Variants in SETD4 observed in about 807,000 individuals in gnomAD.
The protein encoded by SETD4 is SET domain containing 4.
A neutral mutation model predicts 58.3 loss-of-function variants in SETD4; 46 were observed. That is an observed-to-expected ratio of 0.79 (90% CI 0.62 to 1.01). The LOEUF (loss-of-function observed/expected upper bound fraction) is 1.01. Among genes scored for constraint, SETD4 ranks in the 50% least tolerant of loss-of-function variants. The pLI is 0.00. For missense variants in SETD4, 490 were observed against 523.3 expected (o/e 0.94, Z 0.62); for synonymous variants, 190 against 202.6 (o/e 0.94, Z 0.53).
intron 8 of SETD4, among the ~76,000 whole-genome samples, chr21:36,041,213 C>A (rs2064041634): frequency 6.7e-6 from 1 of 148,582 alleles, no homozygotes; most frequent in African/African-American, 2.5e-5. Context: ...GGATGAGGGG[C>A]CGGAGGCAGG....
intron 1 of SETD4, chr21:36,060,110 G>GGGCCTCA: frequency 2.0e-6 from 2 of 985,618 alleles, no homozygotes; most frequent in Non-Finnish European, 2.4e-6. Context: ...ATCGGACCTC[G>GGGCCTCA]GGCCTCAGGC....
At chr21:36,050,046 T>C (rs1325472231) in intron 4 of SETD4, among the ~76,000 whole-genome samples, 1 of 152,198 alleles carries the variant, frequency 6.6e-6, no homozygotes, top group Non-Finnish European at 1.5e-5. Context: ...TATGGATTCG[T>C]GGGCTGCTTC....
At chr21:36,040,843 T>C (rs1001962243) in intron 8 of SETD4, among the ~76,000 whole-genome samples, 188 bp from the exon 9 acceptor site, 2 of 151,922 alleles carry the variant, frequency 1.3e-5, no homozygotes, top group African/African-American at 4.8e-5. Context: ...TAACAGGAAA[T>C]TCTCTCCCCA....
At chr21:36,053,723 G>C in intron 3 of SETD4, 103 bp from the exon 4 acceptor site, 4 of 1,124,816 alleles carry the variant, frequency 3.6e-6, no homozygotes, top group Non-Finnish European at 5.3e-6. Context: ...AATTACACAA[G>C]GCTGAAGCTG....
At position 36,045,999 on chromosome 21, in the gene SETD4, A is replaced by C. The variant is rs1241191700; in HGVS notation, c.309T>G (p.Pro103=). 6.2e-7 allele frequency: 1 copy of C among 1,612,026 alleles called. No homozygotes were observed. The highest frequency in any genetic ancestry group is 1.3e-5 in the African/African-American group (1 of 74,770). Residue 103 remains proline (P), a synonymous_variant, in exon 6 of 12, where the codon CCT becomes CCG. Coordinates refer to ENST00000332131, the MANE Select transcript of SETD4 (RefSeq NM_017438.5). ...TGCACAGCGCCAGCAGAGGAGATGG[A>C]GGAGGCTTCCACCTTTGAAAATTAA... ...LGAYITKWKP[P]PSPLLALCTF...
At chr21:36,045,077 G>C (rs976268120) in intron 6 of SETD4, among the ~76,000 whole-genome samples, 2 of 152,166 alleles carry the variant, frequency 1.3e-5, no homozygotes. Context: ...CACCTACTAT[G>C]TGCCAGGCCC....
chr21:36,036,911 G>A (rs917861031), intron 10 of SETD4, among the ~76,000 whole-genome samples: 6 of 152,146 alleles, frequency 3.9e-5, no homozygotes, highest in Admixed American at 1.3e-4. Flanking sequence ...GCTGTCACAC[G>A]GCAATAAGCC....
At chr21:36,057,370 G>A (rs1379634351) in intron 2 of SETD4, 166 bp from the exon 3 acceptor site, 1 of 729,476 alleles carries the variant, frequency 1.4e-6, no homozygotes, top group South Asian at 1.5e-5. Flanking sequence ...TATTGGCCAG[G>A]CGCAATGACT....
In SETD4 at chr21:36,050,087, C is replaced by T. The variant is rs920924686; in HGVS notation, c.208-1691G>A. The T allele has an allele frequency of 4.2e-5, 26 of 619,520 alleles. No homozygotes were observed. The Admixed American group carries it at 6.9e-4, about 16-fold the overall frequency. The allele number at this position is 619,520 out of a possible 1,614,324, so 38.4% of individuals were successfully genotyped here. On this transcript the variant is annotated intron_variant, in intron 4 of 11. Coordinates refer to ENST00000332131, the MANE Select transcript of SETD4 (RefSeq NM_017438.5). The stretch of plus-strand genomic sequence containing the variant: ...GCTAGGAGGGTGGTGCACTCTAACT[C>T]GGGGACAGAAGCCCCTGTGCTCAGG...
Position 36,045,920 on chromosome 21 carries a change from G to C in SETD4, c.388C>G (p.Leu130Val), listed in dbSNP as rs369833233. The C allele has an allele frequency of 2.4e-5, 39 of 1,614,206 alleles. No individual in the cohort carries two copies. The highest frequency in any genetic ancestry group is 3.2e-5 in the Non-Finnish European group (38 of 1,180,034). Residue 130 changes from leucine to valine, a missense_variant, in exon 6 of 12, where the codon CTG (leucine) becomes GTG (valine). Leu to Val is a conservative substitution (Grantham distance 32, BLOSUM62 1). Transcript: ENST00000332131. ...GTATACGCCTTGGGTAAAATCTCCA[G>C]GTAAGGCTTCCAAAGAGATCGGTGC... ...AGHRSLWKPY[L>V]EILPKAYTCP...
intron 3 of SETD4, 75 bp from the exon 4 acceptor site, chr21:36,053,695 A>T (rs1260849019): frequency 2.6e-5 from 38 of 1,451,306 alleles, no homozygotes; most frequent in Non-Finnish European, 3.4e-5. Flanking sequence ...TTATGGAAAA[A>T]AAAAATGTGA....
At chr21:36,047,071 C>G (rs2064364193) in intron 5 of SETD4, among the ~76,000 whole-genome samples, 1 of 152,164 alleles carries the variant, frequency 6.6e-6, no homozygotes, top group Non-Finnish European at 1.5e-5. Flanking sequence ...GCCTGACCAA[C>G]ATGGAGAAAC....
intron 2 of SETD4, 59 bp from the exon 3 acceptor site, chr21:36,057,263 T>C: frequency 8.0e-7 from 1 of 1,250,406 alleles, no homozygotes. Flanking sequence ...GGATTACCAT[T>C]TTTAAAAGAA....
intron 5 of SETD4, among the ~76,000 whole-genome samples, chr21:36,047,623 T>G (rs957598675): frequency 6.6e-6 from 1 of 152,094 alleles, no homozygotes; most frequent in African/African-American, 2.4e-5. Context: ...TAGTCAGTGA[T>G]GGATCGGGAT....
rs117633085 is a variant in SETD4 at position 36,045,399 on chromosome 21, C to T, written c.726+183G>A. Among the ~76,000 whole-genome samples the T allele has an allele frequency of 3.7e-3, 560 of 152,250 alleles. 7 individuals carry two copies. The highest frequency in any genetic ancestry group is 0.029 in the East Asian group (149 of 5,178). On this transcript the variant is annotated intron_variant, in intron 6 of 11. Coordinates refer to ENST00000332131, the MANE Select transcript of SETD4 (RefSeq NM_017438.5). The stretch of plus-strand genomic sequence containing the variant: ...AGAAAAGGGGCCAAGGCAAGCACTG[C>T]GGGAGGGATAGTGGGGTCTAGAAGA...
At chr21:36,058,400 C>G (rs1027974636) in intron 2 of SETD4, among the ~76,000 whole-genome samples, 1 of 151,208 alleles carries the variant, frequency 6.6e-6, no homozygotes, top group South Asian at 2.1e-4. Context: ...ACTTGGGAGG[C>G]TGAGGCAGGA....
At position 36,045,875 on chromosome 21, in the gene SETD4, G is replaced by T; in HGVS notation, c.433C>A (p.Pro145Thr). 6.2e-7 allele frequency: 1 copy of T among 1,614,178 alleles called. No individual in the cohort carries two copies. Among genetic ancestry groups the T allele is most frequent in the Non-Finnish European group, 8.5e-7 (1 of 1,180,042 alleles). ...TTGGGAAGAAGGTTCACCACTTCCGGCTCCAAACAAACAGGGCAGGTATAC... is the reference window on the plus strand; with the variant it reads ...TTGGGAAGAAGGTTCACCACTTCCGTCTCCAAACAAACAGGGCAGGTATAC... ...KAYTCPVCLE[P>T]EVVNLLPKSL... The change falls in exon 6 of 12, where the codon CCG becomes ACG. Residue 145 changes from proline (P) to threonine (T), a missense_variant. Pro to Thr is a conservative substitution (Grantham distance 38). Transcript: ENST00000332131.
At chr21:36,046,160 C>T (rs900246800) in intron 5 of SETD4, 149 bp from the exon 6 acceptor site, 4 of 806,818 alleles carry the variant, frequency 5.0e-6, no homozygotes, top group Non-Finnish European at 7.6e-6. Flanking sequence ...TTCCTTCCTT[C>T]CTTAAGGCTC....
chr21:36,057,372 G>A (rs776617629), intron 2 of SETD4, 168 bp from the exon 3 acceptor site: 54 of 727,864 alleles, frequency 7.4e-5, no homozygotes, highest in Middle Eastern at 2.3e-4. Flanking sequence ...TTGGCCAGGC[G>A]CAATGACTCA....
Sources: gnomAD v4.1 joint callset for allele counts (sites outside exome capture counted in the v4.1 genomes callset) on GRCh38, gnomAD v4.1.1 for gene constraint, MANE v1.5 for transcripts, NCBI Gene and HGNC (gene_info 2026-07-23, HGNC 2026-07-21) for gene names.